The following OSBPL6 variants were observed in gnomAD, a reference collection of about 807,000 sequenced individuals.
OSBPL6 encodes oxysterol-binding protein-related protein 6.
Under a neutral mutation model 125.8 loss-of-function variants are expected in OSBPL6, and 49 were observed. That is an observed-to-expected ratio of 0.39 (90% confidence interval 0.31 to 0.49). The LOEUF is 0.49. OSBPL6 is among the 20% of genes least tolerant of loss of function. The pLI is 0.88. For missense variants in OSBPL6, 986 were observed against 1,135.4 expected, an observed-to-expected ratio of 0.87 and a Z score of 1.89; for synonymous variants, 394 against 391.8, an observed-to-expected ratio of 1.01 and a Z score of -0.07.
chr2:178,372,500 G>T (rs1693483440), intron 14 of OSBPL6, among the ~76,000 whole-genome samples: 1 of 150,944 alleles, frequency 6.6e-6, no homozygotes, highest in Admixed American at 6.6e-5. Flanking sequence ...ACTCCAGCTT[G>T]TTAATTTTCA....
chr2:178,383,917 T>G, intron 17 of OSBPL6, 122 bp from the exon 18 acceptor site: 1 of 1,159,416 alleles, frequency 8.6e-7, no homozygotes, highest in Non-Finnish European at 1.2e-6. Context: ...CAATAGAAAA[T>G]GCAACTGTCA....
chr2:178,302,793 G>A (rs334612), intron 2 of OSBPL6, among the ~76,000 whole-genome samples: 60,791 of 151,982 alleles, frequency 0.4, 12,363 homozygotes, highest in African/African-American at 0.44. Context: ...CAAGGTGTTA[G>A]CATTGATGTT....
In OSBPL6 at chr2:178,383,022, A is replaced by C; in HGVS notation, c.1622-2A>C. 1 of 1,614,064 alleles carries C rather than the reference A, an allele frequency of 6.2e-7. No individual in the cohort carries two copies. Among genetic ancestry groups the C allele is most frequent in the Non-Finnish European group, 8.5e-7 (1 of 1,179,960 alleles). On this transcript the variant is annotated splice_acceptor_variant, in intron 16 of 24. Coordinates refer to ENST00000190611, the MANE Select transcript of OSBPL6 (RefSeq NM_032523.4). LOFTEE classifies it high-confidence loss of function. ...CCTTCACTGTGACTCTCCTTCTTCC[A>C]GTCCTGAATGGGGAGCTTACAGGAG...
intron 1 of OSBPL6, among the ~76,000 whole-genome samples, chr2:178,223,617 T>C (rs1207488565): frequency 2.0e-5 from 3 of 152,218 alleles, no homozygotes; most frequent in African/African-American, 7.2e-5. Flanking sequence ...GGTAGAACTG[T>C]TTTTAAATCC....
intron 1 of OSBPL6, among the ~76,000 whole-genome samples, chr2:178,254,799 T>C (rs971519630): frequency 1.5e-4 from 23 of 152,238 alleles, no homozygotes; most frequent in African/African-American, 5.3e-4. Context: ...TGTTGTTTTA[T>C]ACTGCTCACT....
chr2:178,352,564 T>G (rs1198250187), intron 12 of OSBPL6, among the ~76,000 whole-genome samples: 2 of 151,986 alleles, frequency 1.3e-5, no homozygotes, highest in African/African-American at 2.4e-5. Flanking sequence ...GAGGCTCAAG[T>G]AGGTAAACAA....
At chr2:178,367,881 C>G (rs913382832) in intron 13 of OSBPL6, among the ~76,000 whole-genome samples, 5 of 152,166 alleles carry the variant, frequency 3.3e-5, no homozygotes, top group Non-Finnish European at 7.4e-5. Flanking sequence ...CCCTGTTAGG[C>G]CTTTGGTCCT....
intron 9 of OSBPL6, among the ~76,000 whole-genome samples, chr2:178,338,027 C>T (rs570459562): frequency 5.9e-4 from 87 of 147,906 alleles, no homozygotes; most frequent in African/African-American, 1.9e-3. Flanking sequence ...CTGCAACCTC[C>T]GCCTCCCTGG....
At position 178,384,783 on chromosome 2, in the gene OSBPL6, G is replaced by A. The variant is rs78812535; in HGVS notation, c.2013+607G>A. ...ATAAGCTATCAATGTACATTGCCAG[G>A]TTGAAATTCAACAGAACTGTTTTAG... On this transcript the variant is annotated intron_variant, in intron 18 of 24. Transcript: ENST00000190611. 5.7e-3 allele frequency among the ~76,000 whole-genome samples: 869 copies of A among 152,036 alleles called. 3 individuals are homozygous for A. The highest frequency in any genetic ancestry group is 9.4e-3 in the Non-Finnish European group (642 of 67,994).
At chr2:178,266,322 A>G (rs1274014884) in intron 1 of OSBPL6, among the ~76,000 whole-genome samples, 1 of 152,180 alleles carries the variant, frequency 6.6e-6, no homozygotes, top group East Asian at 1.9e-4. Flanking sequence ...GACCTATTAC[A>G]ACTTAGAGTA....
intron 2 of OSBPL6, among the ~76,000 whole-genome samples, chr2:178,288,099 A>C (rs1684883513): frequency 6.6e-6 from 1 of 152,158 alleles, no homozygotes; most frequent in Admixed American, 6.5e-5. Flanking sequence ...TTTTTGGGTC[A>C]TGAGACTTCC....
At position 178,235,398 on chromosome 2, in the gene OSBPL6, CTTTTTTTTTTTTT is replaced by C. The variant is rs540269327; in HGVS notation, c.-351+40738_-351+40750del. Reference sequence around the variant, plus strand: ...CTTTCTTTCCTTTTTCTTTTCTTTTCTTTTTTTTTTTTTTTTTTTTTTTTTTGAGACAAAGTCT... The same window carrying C: ...CTTTCTTTCCTTTTTCTTTTCTTTTCTTTTTTTTTTTTTGAGACAAAGTCT... On this transcript the variant is annotated intron_variant, in intron 1 of 24. Coordinates refer to ENST00000190611, the MANE Select transcript of OSBPL6 (RefSeq NM_032523.4). Among the ~76,000 whole-genome samples the C allele has an allele frequency of 1.7e-4, 13 of 78,024 alleles. No individual in the cohort carries two copies. The East Asian group carries it at 3.7e-3, about 22-fold the overall frequency. 51.2% of individuals were successfully genotyped at this position (78,024 alleles called of 152,430 possible).
chr2:178,387,104 C>T lies in OSBPL6; in HGVS notation c.2121C>T (p.Ile707=). ...KNKFWGKSME[I]LPVGTLNVML... is the part of the protein sequence containing the mutation. ...AGTTCTGGGGGAAGTCGATGGAAAT[C>T]CTGCCTGTTGGAACACTGAATGTCA... The change falls in exon 20 of 25, where the codon ATC becomes ATT. Residue 707 remains isoleucine, a synonymous_variant. Coordinates refer to ENST00000190611, the MANE Select transcript of OSBPL6 (RefSeq NM_032523.4). 1 of 1,612,722 alleles carries T rather than the reference C, an allele frequency of 6.2e-7. No homozygotes were observed.
intron 2 of OSBPL6, among the ~76,000 whole-genome samples, chr2:178,291,669 C>CCTTCCTTCCTTA (rs1224620214): frequency 7.2e-6 from 1 of 138,288 alleles, no homozygotes; most frequent in Non-Finnish European, 1.5e-5. Flanking sequence ...GTAGTCTCTT[C>CCTTCCTTCCTTA]CTTCCTTCCT....
intron 1 of OSBPL6, among the ~76,000 whole-genome samples, chr2:178,226,920 C>G (rs2090588759): frequency 6.6e-6 from 1 of 152,052 alleles, no homozygotes; most frequent in Admixed American, 6.5e-5. Flanking sequence ...TCTAAAGAGG[C>G]CTTATTGAAA....
At chr2:178,249,632 G>C (rs538335213) in intron 1 of OSBPL6, among the ~76,000 whole-genome samples, 1 of 152,040 alleles carries the variant, frequency 6.6e-6, no homozygotes, top group Admixed American at 6.6e-5. Context: ...TTTGCTTTGC[G>C]TTTAAGGTAC....
At chr2:178,329,884 T>C (rs942616153) in intron 5 of OSBPL6, among the ~76,000 whole-genome samples, 3 of 152,224 alleles carry the variant, frequency 2.0e-5, no homozygotes, top group African/African-American at 7.2e-5. Context: ...AGGGAGGTTA[T>C]GTATGTTAAC....
intron 8 of OSBPL6, among the ~76,000 whole-genome samples, chr2:178,335,846 G>T (rs1202218218): frequency 6.6e-6 from 1 of 152,104 alleles, no homozygotes; most frequent in African/African-American, 2.4e-5. Context: ...CGAATTCAAG[G>T]CATTGCAAGG....
intron 23 of OSBPL6, 53 bp downstream of exon 23, chr2:178,392,591 C>T: frequency 6.3e-7 from 1 of 1,591,670 alleles, no homozygotes; most frequent in South Asian, 1.1e-5. Context: ...TGCAGTAGCT[C>T]ATGCCTATAA....
Sources: allele counts gnomAD v4.1 joint callset (sites outside exome capture counted in the v4.1 genomes callset), GRCh38; gene constraint gnomAD v4.1.1; transcripts MANE v1.5; gene names NCBI Gene and HGNC (gene_info 2026-07-23, HGNC 2026-07-21).